Variants in TEX36 observed in about 807,000 individuals in gnomAD.
TEX36 encodes testis expressed 36.
TEX36 carries 12 observed loss-of-function variants against 13.6 expected under a neutral mutation model. The observed-to-expected ratio is 0.88, with a 90% CI of 0.56 to 1.43. The LOEUF is 1.43. TEX36 is among the 40% of genes most tolerant of loss of function. TEX36 has a pLI of 0.00. For synonymous variants in TEX36, 93 were observed against 83.0 expected, an observed-to-expected ratio of 1.12 and a Z score of -0.65; for missense variants, 224 against 228.3, an observed-to-expected ratio of 0.98 and a Z score of 0.12.
At position 125,683,155 on chromosome 10, in the gene TEX36, G is replaced by C. The variant is rs1213876521; in HGVS notation, c.-166C>G. 1.7e-5 allele frequency: 13 copies of C among 761,018 alleles called. No individual in the cohort carries two copies. The highest frequency in any genetic ancestry group is 4.6e-5 in the Admixed American group (2 of 43,866). 47.1% of individuals were successfully genotyped at this position (761,018 alleles called of 1,614,324 possible). ...TTCTCAGCCTCTTCCAGGAGGGGAA[G>C]GTGCGGGTGCCCATTGTTGTCATGG... On this transcript the variant is annotated 5_prime_UTR_variant, in exon 1 of 4. Transcript: ENST00000368821.
chr10:125,616,930 G>C (rs1217947236), downstream of TEX36, among the ~76,000 whole-genome samples: 5 of 152,148 alleles, frequency 3.3e-5, no homozygotes, highest in Non-Finnish European at 4.4e-5. Context: ...AAGTCTCTTT[G>C]TAGGTCTCTA....
intron 3 of TEX36, among the ~76,000 whole-genome samples, chr10:125,594,147 C>A (rs1240321400): frequency 6.6e-6 from 1 of 152,104 alleles, no homozygotes; most frequent in Non-Finnish European, 1.5e-5. Context: ...GAAGAGGGAC[C>A]CCACCTTACT....
Position 125,656,089 on chromosome 10 carries a change from A to G in TEX36, c.372T>C (p.Asn124=). The stretch of plus-strand genomic sequence containing the variant: ...CTTTATATACGTATGATATTTGGTT[A>G]TTTGAAAAGCCATCAAGACAAGATG... ...YVPSCLDGFS[N]NQISYVYKEA... The change falls in exon 4 of 4, where the codon AAT becomes AAC. Residue 124 remains asparagine, a synonymous_variant. Transcript: ENST00000368821. The G allele has an allele frequency of 6.4e-7, 1 of 1,551,546 alleles. No homozygotes were observed. The highest frequency in any genetic ancestry group is 2.4e-5 in the East Asian group (1 of 40,912).
chr10:125,639,184 T>A (rs1278413364), intron 3 of TEX36, among the ~76,000 whole-genome samples: 1 of 152,274 alleles, frequency 6.6e-6, no homozygotes, highest in Non-Finnish European at 1.5e-5. Flanking sequence ...ACACAATTCA[T>A]AATTGTTCTG....
chr10:125,610,252 C>G (rs980222783), intron 3 of TEX36, among the ~76,000 whole-genome samples: 3 of 152,196 alleles, frequency 2.0e-5, no homozygotes. Context: ...GGAGTAGCCA[C>G]CCTTTCATTC....
At chr10:125,625,782 T>G (rs1219582563) in intron 3 of TEX36, among the ~76,000 whole-genome samples, 1 of 152,232 alleles carries the variant, frequency 6.6e-6, no homozygotes, top group African/African-American at 2.4e-5. Flanking sequence ...CCTGACCCAG[T>G]GCAGAGCCAC....
intron 1 of TEX36, chr10:125,666,777 A>G: frequency 4.2e-6 from 1 of 235,904 alleles, no homozygotes; most frequent in South Asian, 7.4e-5. Flanking sequence ...AGGCAAGAGC[A>G]CGGGCAAGCC....
intron 1 of TEX36, among the ~76,000 whole-genome samples, chr10:125,682,727 G>A (rs1266956642): frequency 2.6e-5 from 4 of 152,258 alleles, no homozygotes; most frequent in Non-Finnish European, 4.4e-5. Flanking sequence ...GTTCCAGTGT[G>A]CTGAGCATTT....
chr10:125,674,595 A>T (rs559323414), intron 1 of TEX36, among the ~76,000 whole-genome samples: 9 of 152,176 alleles, frequency 5.9e-5, no homozygotes, highest in African/African-American at 2.2e-4. Flanking sequence ...TGACCTTTGG[A>T]TGGAATTTTT....
chr10:125,611,686 GT>G (rs573683075), intron 3 of TEX36, among the ~76,000 whole-genome samples: 9 of 149,378 alleles, frequency 6.0e-5, no homozygotes, highest in Non-Finnish European at 1.0e-4. Flanking sequence ...TGCATATGGT[GT>G]TTTTTTTTCA....
At chr10:125,580,584 T>A (rs1845870490) in intron 3 of TEX36, among the ~76,000 whole-genome samples, 1 of 152,142 alleles carries the variant, frequency 6.6e-6, no homozygotes, top group Non-Finnish European at 1.5e-5. Context: ...CCCAGAAGCT[T>A]CTGAGATGGA....
chr10:125,643,256 T>G (rs1256586833), intron 3 of TEX36, among the ~76,000 whole-genome samples: 2 of 152,156 alleles, frequency 1.3e-5, no homozygotes, highest in Non-Finnish European at 2.9e-5. Context: ...TGGACACACC[T>G]GGGGCTGCCT....
chr10:125,588,422 T>C (rs1845983856), intron 3 of TEX36, among the ~76,000 whole-genome samples: 1 of 152,094 alleles, frequency 6.6e-6, no homozygotes, highest in African/African-American at 2.4e-5. Context: ...AGTCAAGAGG[T>C]TGAATTGGCT....
chr10:125,667,365 C>T, intron 1 of TEX36: 1 of 648,760 alleles, frequency 1.5e-6, no homozygotes, highest in Non-Finnish European at 2.9e-6. Context: ...AAGTCATGGT[C>T]CCCATTAGGG....
chr10:125,580,826 T>C (rs1845873371), intron 3 of TEX36, among the ~76,000 whole-genome samples: 1 of 152,162 alleles, frequency 6.6e-6, no homozygotes, highest in African/African-American at 2.4e-5. Context: ...GGCATAGGGA[T>C]GGTCACATGA....
chr10:125,627,263 T>C (rs552876638), intron 3 of TEX36, among the ~76,000 whole-genome samples: 1 of 152,226 alleles, frequency 6.6e-6, no homozygotes, highest in African/African-American at 2.4e-5. Context: ...AGAACATATC[T>C]GGATAGAAGA....
chr10:125,610,527 G>A (rs1262375138), intron 3 of TEX36, among the ~76,000 whole-genome samples: 1 of 152,036 alleles, frequency 6.6e-6, no homozygotes, highest in Non-Finnish European at 1.5e-5. Flanking sequence ...CGATGCCCAT[G>A]CATATTGAAG....
intron 3 of TEX36, among the ~76,000 whole-genome samples, chr10:125,633,892 G>A (rs766353299): frequency 6.6e-6 from 1 of 152,164 alleles, no homozygotes; most frequent in Non-Finnish European, 1.5e-5. Context: ...AAGGCATGCC[G>A]ATGAGTAATT....
chr10:125,604,506 G>A (rs1406082543), intron 3 of TEX36, among the ~76,000 whole-genome samples: 2 of 151,582 alleles, frequency 1.3e-5, no homozygotes, highest in African/African-American at 2.4e-5. Flanking sequence ...TGAGACCCCT[G>A]TCTCTACACA....
Sources: allele counts gnomAD v4.1 joint callset (sites outside exome capture counted in the v4.1 genomes callset), GRCh38; gene constraint gnomAD v4.1.1; transcripts MANE v1.5; gene names NCBI Gene and HGNC (gene_info 2026-07-23, HGNC 2026-07-21).